The following CELF2 variants were observed in gnomAD, a reference collection of about 807,000 sequenced individuals.
The protein encoded by CELF2 is CUG triplet repeat RNA-binding protein 2.
In CELF2, 8 loss-of-function variants were observed where a neutral mutation model predicts 62.6. That is an observed-to-expected ratio of 0.13 (90% CI 0.07 to 0.23). The LOEUF (loss-of-function observed/expected upper bound fraction) is 0.23, where lower values mean the gene tolerates loss of function less well. Ranked by LOEUF, CELF2 falls within the 10% of genes least tolerant of loss-of-function variation. The pLI, the probability that CELF2 is intolerant of heterozygous loss-of-function variation, is 1.00. For synonymous variants in CELF2, 258 were observed against 250.0 expected (o/e 1.03, Z -0.30); for missense variants, 333 against 671.0 (o/e 0.50, Z 5.56).
the CELF2 span, among the ~76,000 whole-genome samples, chr10:10,490,576 G>C: frequency 4.2e-4 from 64 of 152,028 alleles, 1 homozygote; most frequent in African/African-American, 1.1e-3. Flanking sequence ...GTTGGGGGGG[G>C]GTGGAGCATG....
At chr10:10,718,555 C>T in the CELF2 span, among the ~76,000 whole-genome samples, 1 of 147,900 alleles carries the variant, frequency 6.8e-6, no homozygotes, top group South Asian at 2.1e-4. Flanking sequence ...CCCTAGGAGG[C>T]AGAGGTTGCA....
chr10:11,048,736 T>G (rs1349681512), intron 1 of CELF2, among the ~76,000 whole-genome samples: 1 of 152,260 alleles, frequency 6.6e-6, no homozygotes, highest in Non-Finnish European at 1.5e-5. Context: ...TACAGAGCAC[T>G]GTCATTTTCC....
chr10:10,496,510 C>T, the CELF2 span, among the ~76,000 whole-genome samples: 1 of 152,144 alleles, frequency 6.6e-6, no homozygotes, highest in Admixed American at 6.5e-5. Flanking sequence ...ACCTGGCATA[C>T]AATAGGTGCT....
intron 1 of CELF2, among the ~76,000 whole-genome samples, chr10:11,063,896 G>A (rs2067415964): frequency 6.6e-6 from 1 of 152,186 alleles, no homozygotes; most frequent in Non-Finnish European, 1.5e-5. Flanking sequence ...TGCTTCCAGA[G>A]GGGAGTGGAT....
At chr10:10,790,807 G>A in the CELF2 span, among the ~76,000 whole-genome samples, 440 of 152,166 alleles carry the variant, frequency 2.9e-3, 3 homozygotes, top group African/African-American at 0.01. Flanking sequence ...TGAATGATCC[G>A]TATGATTCTA....
the CELF2 span, among the ~76,000 whole-genome samples, chr10:10,755,819 G>T: frequency 0.013 from 1,936 of 152,220 alleles, 22 homozygotes; most frequent in Non-Finnish European, 0.019. Flanking sequence ...TAATACAACT[G>T]GTGTTTTCTT....
At chr10:10,532,034 G>C in the CELF2 span, among the ~76,000 whole-genome samples, 2 of 152,236 alleles carry the variant, frequency 1.3e-5, no homozygotes, top group Non-Finnish European at 2.9e-5. Context: ...CTGAGAGTGA[G>C]GAAAGTACAC....
intron 7 of CELF2, among the ~76,000 whole-genome samples, chr10:11,273,639 T>C (rs1194610399): frequency 1.3e-5 from 2 of 152,144 alleles, no homozygotes. Flanking sequence ...CATATCAAAC[T>C]GGAAAGACCT....
the CELF2 span, among the ~76,000 whole-genome samples, chr10:10,774,473 G>A: frequency 2.6e-5 from 4 of 152,160 alleles, no homozygotes; most frequent in East Asian, 1.9e-4. Context: ...TAGCACCATC[G>A]CTTTGGTGCC....
At chr10:11,141,463 A>G (rs1286895821) in intron 1 of CELF2, among the ~76,000 whole-genome samples, 7 of 152,234 alleles carry the variant, frequency 4.6e-5, no homozygotes, top group Non-Finnish European at 8.8e-5. Flanking sequence ...TTATTCTGAA[A>G]GGCTTGAAGA....
chr10:11,223,235 C>CG lies in CELF2; in HGVS notation c.354+5732dup, dbSNP rs1248617984. Reference sequence around the variant, plus strand: ...CAGCATCCTCACAGTCAGGCCTGAGCGGGGCACTGCCTGAGGAGCTTCCTG... The same window carrying CG: ...CAGCATCCTCACAGTCAGGCCTGAGCGGGGGCACTGCCTGAGGAGCTTCCTG... On this transcript the variant is annotated intron_variant, in intron 3 of 12. Coordinates refer to ENST00000633077, the MANE Select transcript of CELF2 (RefSeq NM_001326342.2). The surrounding 1 kb of genome is among the most constrained non-coding windows in gnomAD (Gnocchi z 5.1). Among the ~76,000 whole-genome samples, 2 of 152,178 alleles carry CG rather than the reference C, an allele frequency of 1.3e-5. No individual in the cohort carries two copies. Among genetic ancestry groups the CG allele is most frequent in the Admixed American group, 6.5e-5 (1 of 15,284 alleles).
At chr10:10,904,617 G>A (rs2063189292) in intron 1 of CELF2, among the ~76,000 whole-genome samples, 3 of 152,040 alleles carry the variant, frequency 2.0e-5, no homozygotes, top group Admixed American at 2.0e-4. Flanking sequence ...AGTTTACATA[G>A]CCATGGCCTT....
At chr10:10,733,627 A>G in the CELF2 span, among the ~76,000 whole-genome samples, 4 of 152,172 alleles carry the variant, frequency 2.6e-5, no homozygotes, top group African/African-American at 7.2e-5. Context: ...GGGCCTCACA[A>G]TCATGGTGGA....
chr10:10,710,496 A>G, the CELF2 span, among the ~76,000 whole-genome samples: 1 of 152,230 alleles, frequency 6.6e-6, no homozygotes, highest in African/African-American at 2.4e-5. Flanking sequence ...AAATGGTACC[A>G]TTTTATAAGC....
chr10:11,006,679 C>T (rs943774513), intron 1 of CELF2, among the ~76,000 whole-genome samples: 3 of 152,150 alleles, frequency 2.0e-5, no homozygotes, highest in East Asian at 1.9e-4. Flanking sequence ...TGTAGATAAA[C>T]GGTTTAGAAA....
At position 11,324,473 on chromosome 10, in the gene CELF2, T is replaced by C. The variant is rs193130922; in HGVS notation, c.1295-1363T>C. ...TGGGGACCAAAGGCCCCCCTGCAAT[T>C]GTGTCCCTTTAAAATAGACTCCTTC... On this transcript the variant is annotated intron_variant, in intron 11 of 12. Coordinates refer to ENST00000633077, the MANE Select transcript of CELF2 (RefSeq NM_001326342.2). The surrounding 1 kb of genome is among the most constrained non-coding windows in gnomAD (Gnocchi z 4.7). Among the ~76,000 whole-genome samples the C allele has an allele frequency of 9.8e-5, 15 of 152,308 alleles. No individual in the cohort carries two copies. Among genetic ancestry groups the C allele is most frequent in the Admixed American group, 8.5e-4 (13 of 15,306 alleles).
At chr10:10,767,918 C>T in the CELF2 span, among the ~76,000 whole-genome samples, 1,021 of 126,846 alleles carry the variant, frequency 8.0e-3, 18 homozygotes, top group Middle Eastern at 0.015. Flanking sequence ...ATGGCGTGAA[C>T]CCGGGAGGCG....
intron 1 of CELF2, among the ~76,000 whole-genome samples, chr10:10,895,779 G>GA (rs1443163146): frequency 3.9e-5 from 6 of 151,902 alleles, no homozygotes; most frequent in Admixed American, 6.6e-5. Flanking sequence ...CATACTTTTG[G>GA]AAAAAAAATA....
the CELF2 span, among the ~76,000 whole-genome samples, chr10:10,619,975 A>G: frequency 6.6e-6 from 1 of 152,110 alleles, no homozygotes; most frequent in Admixed American, 6.5e-5. Flanking sequence ...CTACGGCTGA[A>G]CCTTACATGA....
Sources: allele counts gnomAD v4.1 joint callset (sites outside exome capture counted in the v4.1 genomes callset), GRCh38; gene constraint gnomAD v4.1.1; non-coding constraint Gnocchi (gnomAD v3.1); transcripts MANE v1.5; gene names NCBI Gene and HGNC (gene_info 2026-07-23, HGNC 2026-07-21).